TENM2: variants seen among roughly 807,000 people sequenced by gnomAD.
TENM2 encodes the protein teneurin transmembrane protein 2.
TENM2 carries 52 observed loss-of-function variants against 245.2 expected under a neutral mutation model. That is an observed-to-expected ratio of 0.21 (90% CI 0.17 to 0.27). The LOEUF (loss-of-function observed/expected upper bound fraction) is 0.27. Ranked by LOEUF, TENM2 falls within the 10% of genes least tolerant of loss-of-function variation. The pLI is 1.00. For synonymous variants in TENM2, 1,363 were observed against 1,438.9 expected, an observed-to-expected ratio of 0.95 and a Z score of 1.19; for missense variants, 3,046 against 3,666.8, an observed-to-expected ratio of 0.83 and a Z score of 4.37.
At chr5:168,059,843 T>G (rs767106561) in intron 6 of TENM2, among the ~76,000 whole-genome samples, 13 of 152,312 alleles carry the variant, frequency 8.5e-5, no homozygotes, top group South Asian at 6.2e-4. Context: ...ATACTTATTT[T>G]GTGCCAGAAA....
chr5:168,259,589 A>G (rs1768002300), intron 27 of TENM2, among the ~76,000 whole-genome samples: 1 of 151,878 alleles, frequency 6.6e-6, no homozygotes, highest in Non-Finnish European at 1.5e-5. Flanking sequence ...CTCCATCTCA[A>G]AAAAAAAGAG....
intron 2 of TENM2, among the ~76,000 whole-genome samples, chr5:167,553,095 G>A (rs1238638015): frequency 6.6e-6 from 1 of 152,224 alleles, no homozygotes; most frequent in East Asian, 1.9e-4. Context: ...AGGACACACA[G>A]CAAAGGAAAC....
At chr5:167,971,502 A>T (rs1781782184) in intron 4 of TENM2, among the ~76,000 whole-genome samples, 1 of 152,108 alleles carries the variant, frequency 6.6e-6, no homozygotes, top group South Asian at 2.1e-4. Context: ...GGAGTTCAAG[A>T]CCAGCCTGAC....
At chr5:167,142,707 T>G in the TENM2 span, among the ~76,000 whole-genome samples, 2,543 of 152,168 alleles carry the variant, frequency 0.017, 64 homozygotes, top group African/African-American at 0.057. Flanking sequence ...CGCACCACTA[T>G]GCCCAGCTAA....
the TENM2 span, among the ~76,000 whole-genome samples, chr5:167,021,137 A>G: frequency 1.2e-4 from 15 of 125,866 alleles, no homozygotes; most frequent in East Asian, 2.4e-3. Context: ...GTCTCAAAAA[A>G]TAAAAATAAA....
intron 9 of TENM2, among the ~76,000 whole-genome samples, chr5:168,117,617 A>G (rs543133262): frequency 2.0e-5 from 3 of 152,344 alleles, no homozygotes; most frequent in Admixed American, 1.3e-4. Context: ...TTCAGACAGC[A>G]GTTGACCATG....
At chr5:168,248,477 G>T in intron 27 of TENM2, 106 bp downstream of exon 29, 1 of 1,173,122 alleles carries the variant, frequency 8.5e-7, no homozygotes, top group African/African-American at 1.5e-5. Flanking sequence ...AGAAGCCCAT[G>T]GGCCATAAAG....
At chr5:168,221,625 C>T (rs1421187616) in intron 23 of TENM2, among the ~76,000 whole-genome samples, 3 of 152,176 alleles carry the variant, frequency 2.0e-5, no homozygotes, top group East Asian at 1.9e-4. Flanking sequence ...ATAACACTAT[C>T]GAATCTTCCT....
intron 2 of TENM2, among the ~76,000 whole-genome samples, chr5:167,814,351 A>G (rs1766869394): frequency 6.6e-6 from 1 of 151,944 alleles, no homozygotes; most frequent in African/African-American, 2.4e-5. Flanking sequence ...GCTATAGGAC[A>G]TAATGAAAAC....
chr5:168,202,482 C>T (rs1320666640), intron 17 of TENM2, among the ~76,000 whole-genome samples: 1 of 150,152 alleles, frequency 6.7e-6, no homozygotes, highest in Non-Finnish European at 1.5e-5. Context: ...TTTGACATGA[C>T]CCTAATAGAT....
At chr5:167,074,636 C>T in the TENM2 span, among the ~76,000 whole-genome samples, 1 of 152,148 alleles carries the variant, frequency 6.6e-6, no homozygotes. Context: ...ATTTTGATGG[C>T]GAAGTAATTG....
At chr5:167,117,769 G>T in the TENM2 span, among the ~76,000 whole-genome samples, 2 of 152,054 alleles carry the variant, frequency 1.3e-5, no homozygotes, top group African/African-American at 4.8e-5. Flanking sequence ...TGGCTTATAG[G>T]ATGTTTGGCA....
At chr5:168,148,446 G>A (rs933037631) in intron 12 of TENM2, among the ~76,000 whole-genome samples, 1 of 152,158 alleles carries the variant, frequency 6.6e-6, no homozygotes, top group African/African-American at 2.4e-5. Flanking sequence ...CTCCTGATCA[G>A]AACTACTGCA....
At chr5:167,518,262 C>T (rs147020657) in intron 2 of TENM2, among the ~76,000 whole-genome samples, 43 of 152,220 alleles carry the variant, frequency 2.8e-4, no homozygotes, top group East Asian at 2.1e-3. Context: ...TGTCTAATGA[C>T]GCCATGACAG....
At position 167,870,554 on chromosome 5, in the gene TENM2, C is replaced by CATATATATATATATAT. The variant is rs60172043; in HGVS notation, c.503-5431_503-5416dup. Among the ~76,000 whole-genome samples, 96 of 128,360 alleles carry CATATATATATATATAT rather than the reference C, an allele frequency of 7.5e-4. 1 individual carries two copies. Among genetic ancestry groups the CATATATATATATATAT allele is most frequent in the African/African-American group, 2.6e-3 (90 of 34,246 alleles). 84.2% of individuals were successfully genotyped at this position (128,360 alleles called of 152,430 possible). On this transcript the variant is annotated intron_variant, in intron 2 of 28. Transcript: ENST00000518659. ...ACTGAATGTTAAAAGAATGTGTATACATATATATATATATATGTGTGTGTA... is the reference window on the plus strand; with the variant it reads ...ACTGAATGTTAAAAGAATGTGTATACATATATATATATATATATATATATATATATATGTGTGTGTA...
intron 8 of TENM2, among the ~76,000 whole-genome samples, chr5:168,096,065 G>C (rs1432042428): frequency 1.3e-5 from 2 of 152,122 alleles, no homozygotes; most frequent in Non-Finnish European, 2.9e-5. Context: ...TGTTCCAGAG[G>C]GAGATATTGT....
intron 7 of TENM2, among the ~76,000 whole-genome samples, chr5:168,062,689 A>G (rs1790150301): frequency 6.6e-6 from 1 of 152,194 alleles, no homozygotes; most frequent in South Asian, 2.1e-4. Flanking sequence ...TTAGTCAGAT[A>G]TAGAAAGGAA....
chr5:167,730,886 C>T (rs1037759846), intron 2 of TENM2, among the ~76,000 whole-genome samples: 1 of 152,150 alleles, frequency 6.6e-6, no homozygotes. Flanking sequence ...GGATAATAAG[C>T]GTACCAATAT....
chr5:167,689,105 G>C (rs1757261409), intron 2 of TENM2, among the ~76,000 whole-genome samples: 3 of 152,148 alleles, frequency 2.0e-5, no homozygotes, highest in African/African-American at 7.2e-5. Flanking sequence ...GACAGGATTA[G>C]GTATGCAAGA....
Sources: gnomAD v4.1 joint callset for allele counts (sites outside exome capture counted in the v4.1 genomes callset) on GRCh38, gnomAD v4.1.1 for gene constraint, MANE v1.5 for transcripts, NCBI Gene and HGNC (gene_info 2026-07-23, HGNC 2026-07-21) for gene names.